FBXL7: variants seen among roughly 807,000 people sequenced by gnomAD.
FBXL7 encodes F-box and leucine rich repeat protein 7.
A neutral mutation model predicts 38.3 loss-of-function variants in FBXL7; 12 were observed. That is an observed-to-expected ratio of 0.31 (90% confidence interval 0.20 to 0.51). FBXL7 has a LOEUF of 0.51. Among genes scored for constraint, FBXL7 ranks in the 20% least tolerant of loss-of-function variants. The pLI is 0.98. For synonymous variants in FBXL7, 297 were observed against 300.9 expected (o/e 0.99, Z 0.13); for missense variants, 567 against 676.4 (o/e 0.84, Z 1.79).
intron 1 of FBXL7, among the ~76,000 whole-genome samples, chr5:15,586,401 C>T (rs2126474491): frequency 6.6e-6 from 1 of 150,974 alleles, no homozygotes; most frequent in Non-Finnish European, 1.5e-5. Context: ...ATATCTCTTG[C>T]CCCCTCCTTT....
In FBXL7 at chr5:15,795,405, C is replaced by A. The variant is rs556331663; in HGVS notation, c.128-132485C>A. 6.6e-5 allele frequency among the ~76,000 whole-genome samples: 10 copies of A among 152,290 alleles called. No individual in the cohort carries two copies. In the East Asian group the frequency reaches 1.9e-3, roughly 29 times the overall value. On this transcript the variant is annotated intron_variant, in intron 2 of 3. Transcript: ENST00000504595. ...AAGTGGATTCATTTGTTCACACTGG[C>A]ATTTTAAATGTGTGTCAATTCTGGA...
intron 2 of FBXL7, among the ~76,000 whole-genome samples, chr5:15,827,394 TCAAA>T (rs1738345016): frequency 6.6e-6 from 1 of 152,220 alleles, no homozygotes; most frequent in Admixed American, 6.5e-5. Flanking sequence ...ATAGCGTATG[TCAAA>T]CAAATAGCAG....
chr5:15,867,958 G>A (rs1739786935), intron 2 of FBXL7, among the ~76,000 whole-genome samples: 1 of 152,146 alleles, frequency 6.6e-6, no homozygotes, highest in Non-Finnish European at 1.5e-5. Flanking sequence ...ACAAAAATTA[G>A]CCGGGTGTGG....
At chr5:15,766,806 G>A (rs1234908874) in intron 2 of FBXL7, among the ~76,000 whole-genome samples, 1 of 152,124 alleles carries the variant, frequency 6.6e-6, no homozygotes, top group African/African-American at 2.4e-5. Context: ...AATAATTGAA[G>A]CTTTCTAATC....
At chr5:15,581,457 G>C (rs1739138495) in intron 1 of FBXL7, among the ~76,000 whole-genome samples, 1 of 152,094 alleles carries the variant, frequency 6.6e-6, no homozygotes, top group Non-Finnish European at 1.5e-5. Context: ...TTGGCTAGTG[G>C]GACCCTCCAC....
intron 2 of FBXL7, among the ~76,000 whole-genome samples, chr5:15,827,195 C>T (rs1738338924): frequency 6.6e-6 from 1 of 151,724 alleles, no homozygotes; most frequent in Admixed American, 6.6e-5. Context: ...TCCTAACATT[C>T]AATATATTAC....
intron 2 of FBXL7, among the ~76,000 whole-genome samples, chr5:15,653,967 A>G (rs571422754): frequency 6.6e-6 from 1 of 152,354 alleles, no homozygotes; most frequent in East Asian, 1.9e-4. Context: ...TACTGAAAAC[A>G]TTAAAGACTT....
rs572504887 is a variant in FBXL7 at position 15,827,027 on chromosome 5, A to G, written c.128-100863A>G. Among the ~76,000 whole-genome samples the G allele has an allele frequency of 4.0e-5, 6 of 151,830 alleles. No individual in the cohort carries two copies. The South Asian group carries it at 8.3e-4, about 21-fold the overall frequency. ...CATTTTTCTGTTTTCTTCACCTACA[A>G]TCACCTTCCGCACTTCCTGCCCCAT... is the stretch of plus-strand genomic sequence containing the variant. On this transcript the variant is annotated intron_variant, in intron 2 of 3. Coordinates refer to ENST00000504595, the MANE Select transcript of FBXL7 (RefSeq NM_012304.5).
chr5:15,934,793 C>T (rs1025743623), intron 3 of FBXL7, among the ~76,000 whole-genome samples: 1 of 152,158 alleles, frequency 6.6e-6, no homozygotes, highest in African/African-American at 2.4e-5. Flanking sequence ...CTATAAACCG[C>T]TCATTCATTC....
At chr5:15,542,704 T>C (rs1737789605) in intron 1 of FBXL7, among the ~76,000 whole-genome samples, 1 of 152,130 alleles carries the variant, frequency 6.6e-6, no homozygotes. Flanking sequence ...GAGATAAACT[T>C]CAGAATCTAT....
intron 2 of FBXL7, among the ~76,000 whole-genome samples, chr5:15,854,063 G>A (rs1365772669): frequency 6.6e-6 from 1 of 152,158 alleles, no homozygotes; most frequent in African/African-American, 2.4e-5. Flanking sequence ...GACCACTTGG[G>A]AGTTTCCTTA....
chr5:15,912,386 C>CGCACGGTG (rs1197767518), intron 2 of FBXL7, among the ~76,000 whole-genome samples: 1 of 138,128 alleles, frequency 7.2e-6, no homozygotes, highest in Non-Finnish European at 1.5e-5. Flanking sequence ...CTTCGGCTCG[C>CGCACGGTG]GCACGGTGCG....
intron 2 of FBXL7, among the ~76,000 whole-genome samples, chr5:15,755,535 A>G (rs1396606909): frequency 1.3e-5 from 2 of 152,184 alleles, no homozygotes; most frequent in African/African-American, 4.8e-5. Context: ...TTAAAAAGGC[A>G]GTTTCTGCAC....
chr5:15,905,156 T>TG (rs1220736525), intron 2 of FBXL7, among the ~76,000 whole-genome samples: 3 of 152,214 alleles, frequency 2.0e-5, no homozygotes, highest in African/African-American at 7.2e-5. Flanking sequence ...TTTAATCAAC[T>TG]TTTTATTTTC....
chr5:15,675,634 C>G (rs548117515), intron 2 of FBXL7, among the ~76,000 whole-genome samples: 3 of 152,176 alleles, frequency 2.0e-5, no homozygotes, highest in African/African-American at 7.2e-5. Context: ...CCATTCCCAC[C>G]ACTGATCACA....
intron 2 of FBXL7, among the ~76,000 whole-genome samples, chr5:15,887,983 C>G (rs1296947437): frequency 6.6e-6 from 1 of 152,170 alleles, no homozygotes; most frequent in Non-Finnish European, 1.5e-5. Context: ...TGTCTGACAT[C>G]ATAACAGAAC....
intron 2 of FBXL7, among the ~76,000 whole-genome samples, chr5:15,809,825 A>G (rs1737811022): frequency 6.6e-6 from 1 of 152,192 alleles, no homozygotes; most frequent in Non-Finnish European, 1.5e-5. Flanking sequence ...TGCATACATT[A>G]ATAAATGTTA....
At chr5:15,812,721 C>A (rs931127647) in intron 2 of FBXL7, among the ~76,000 whole-genome samples, 5 of 152,014 alleles carry the variant, frequency 3.3e-5, no homozygotes, top group Admixed American at 2.0e-4. Context: ...TTACTTTGGG[C>A]AGTATGGCCA....
chr5:15,539,475 G>A (rs1046129803), intron 1 of FBXL7, among the ~76,000 whole-genome samples: 7 of 152,150 alleles, frequency 4.6e-5, no homozygotes, highest in Admixed American at 4.6e-4. Flanking sequence ...CAGATTGTAA[G>A]TCATCTGTGA....
Sources: allele counts gnomAD v4.1 joint callset (sites outside exome capture counted in the v4.1 genomes callset), GRCh38; gene constraint gnomAD v4.1.1; transcripts MANE v1.5; gene names NCBI Gene and HGNC (gene_info 2026-07-23, HGNC 2026-07-21).